Variants in SHC3 observed in about 807,000 individuals in gnomAD.
The protein encoded by SHC3 is SHC-transforming protein 3.
A neutral mutation model predicts 60.4 loss-of-function variants in SHC3; 15 were observed. The ratio of observed to expected loss-of-function variants is 0.25; its 90% CI spans 0.17 to 0.38. The LOEUF is 0.38. Among genes scored for constraint, SHC3 ranks in the 10% least tolerant of loss-of-function variants. The probability of loss-of-function intolerance (pLI) is 1.00; values close to 1 mark genes in which losing one functional copy is unlikely to be tolerated. For synonymous variants in SHC3, 294 were observed against 325.9 expected (o/e 0.90, Z 1.05); for missense variants, 677 against 786.1 (o/e 0.86, Z 1.66).
intron 2 of SHC3, chr9:89,110,367 G>C: frequency 1.0e-6 from 1 of 985,024 alleles, no homozygotes; most frequent in Non-Finnish European, 1.2e-6. Flanking sequence ...CCTGGTGCCT[G>C]TATAATATAA....
At chr9:89,014,513 G>A (rs763909298) in intron 11 of SHC3, among the ~76,000 whole-genome samples, 9 of 152,092 alleles carry the variant, frequency 5.9e-5, no homozygotes, top group Non-Finnish European at 1.0e-4. Flanking sequence ...GGCTATGCTC[G>A]AGGGTCAGCT....
chr9:89,086,344 A>C (rs1325126933), intron 2 of SHC3, among the ~76,000 whole-genome samples: 1 of 152,200 alleles, frequency 6.6e-6, no homozygotes. Flanking sequence ...CAGGGTTCCC[A>C]CCACCCCCAG....
At chr9:89,040,303 C>T (rs551983134) in intron 10 of SHC3, among the ~76,000 whole-genome samples, 7 of 150,608 alleles carry the variant, frequency 4.6e-5, no homozygotes, top group African/African-American at 7.4e-5. Flanking sequence ...ACATCAGCAC[C>T]GCTATATTTA....
intron 2 of SHC3, among the ~76,000 whole-genome samples, chr9:89,100,244 G>A (rs939122232): frequency 2.6e-5 from 4 of 152,184 alleles, no homozygotes; most frequent in Admixed American, 2.0e-4. Context: ...CAGCAGTCAT[G>A]AGGTAGTTAC....
chr9:89,066,945 G>T (rs936935527), intron 5 of SHC3, among the ~76,000 whole-genome samples: 2 of 152,094 alleles, frequency 1.3e-5, no homozygotes, highest in Non-Finnish European at 2.9e-5. Flanking sequence ...ACCCCATCCC[G>T]CTGGATCTTA....
intron 1 of SHC3, among the ~76,000 whole-genome samples, chr9:89,127,488 G>GA (rs1169582920): frequency 6.6e-6 from 1 of 152,070 alleles, no homozygotes; most frequent in Non-Finnish European, 1.5e-5. Flanking sequence ...ACCTGTTTTG[G>GA]AAAAAACCTC....
chr9:89,022,663 G>A lies in SHC3; in HGVS notation c.1657-9088C>T, dbSNP rs11137485. ...ATGAACAAGCATGTACAGCTACTGC[G>A]CATGTGCACCCAGAGGACCATCCGA... On this transcript the variant is annotated intron_variant, in intron 11 of 11. Transcript: ENST00000375835. Among the ~76,000 whole-genome samples, 122 of 152,208 alleles carry A rather than the reference G, an allele frequency of 8.0e-4. 2 individuals carry two copies. In the East Asian group the frequency reaches 0.022, roughly 27 times the overall value.
intron 1 of SHC3, among the ~76,000 whole-genome samples, chr9:89,121,402 T>G (rs1826090705): frequency 1.3e-5 from 2 of 152,188 alleles, no homozygotes; most frequent in Admixed American, 1.3e-4. Flanking sequence ...GCGATTCTCC[T>G]GCCTCAGGCT....
intron 1 of SHC3, among the ~76,000 whole-genome samples, chr9:89,174,464 A>G (rs924965397): frequency 1.3e-5 from 2 of 152,202 alleles, no homozygotes. Flanking sequence ...AACCTATGTA[A>G]CTTCGCTGGA....
Position 89,038,338 on chromosome 9 carries a change from ATGAT to A in SHC3, c.1361-54_1361-51del, listed in dbSNP as rs1564091247. ...AACAAGTCAATCCCAAGAAGAGCAA[ATGAT>A]AAAAAAAAAAAAAAAAAAATACAGT... On this transcript the variant is annotated intron_variant, in intron 10 of 11. Coordinates refer to ENST00000375835, the MANE Select transcript of SHC3 (RefSeq NM_016848.6). The A allele has an allele frequency of 5.3e-6, 7 of 1,319,502 alleles. No homozygotes were observed. The African/African-American group carries it at 5.5e-5, about 10-fold the overall frequency. The allele number at this position is 1,319,502 out of a possible 1,614,324, so 81.7% of individuals were successfully genotyped here.
chr9:89,078,467 G>GC (rs1825396287), intron 2 of SHC3, among the ~76,000 whole-genome samples: 1 of 152,182 alleles, frequency 6.6e-6, no homozygotes, highest in African/African-American at 2.4e-5. Context: ...AAAGAACCCG[G>GC]CAGTGAGGTG....
rs112235144 is a variant in SHC3, at chr9:89,074,169, A to G, written c.729+940T>C. Reference sequence around the variant, plus strand: ...ATAAATGAAGCTGGAGATGCTGCTCACTAACCTGGGGAATATGGAAGTCAA... The same window carrying G: ...ATAAATGAAGCTGGAGATGCTGCTCGCTAACCTGGGGAATATGGAAGTCAA... On this transcript the variant is annotated intron_variant, in intron 4 of 11. Coordinates refer to ENST00000375835, the MANE Select transcript of SHC3 (RefSeq NM_016848.6). Among the ~76,000 whole-genome samples, 463 of 152,324 alleles carry G rather than the reference A, an allele frequency of 3.0e-3. 1 individual carries two copies. The highest frequency in any genetic ancestry group is 0.017 in the Middle Eastern group (5 of 294).
chr9:89,044,263 C>A lies in SHC3; in HGVS notation c.1201+1483G>T, dbSNP rs756293417. 4.1e-4 allele frequency among the ~76,000 whole-genome samples: 63 copies of A among 152,176 alleles called. 2 individuals are homozygous for A. The highest frequency in any genetic ancestry group is 1.4e-3 in the Admixed American group (22 of 15,286). On this transcript the variant is annotated intron_variant, in intron 9 of 11. Coordinates refer to ENST00000375835, the MANE Select transcript of SHC3 (RefSeq NM_016848.6). ...GCCCATAATGAAAATGTCCCTCTGG[C>A]AAAGTTATGACTCTGATTTGCTATT...
intron 10 of SHC3, among the ~76,000 whole-genome samples, chr9:89,039,621 CCGCCATCGT>C (rs552304405): frequency 1.3e-3 from 197 of 151,942 alleles, no homozygotes; most frequent in Middle Eastern, 6.8e-3. Context: ...ATCAGCATCA[CCGCCATCGT>C]CGCCATCGTC....
At chr9:89,122,880 A>G (rs1324229337) in intron 1 of SHC3, among the ~76,000 whole-genome samples, 1 of 152,232 alleles carries the variant, frequency 6.6e-6, no homozygotes, top group African/African-American at 2.4e-5. Flanking sequence ...CTTCCCGATC[A>G]GCATAGAAAC....
intron 2 of SHC3, among the ~76,000 whole-genome samples, chr9:89,085,513 C>T (rs1039403830): frequency 3.9e-5 from 6 of 152,168 alleles, no homozygotes; most frequent in African/African-American, 7.2e-5. Context: ...AGTCTTTTTC[C>T]GTAGGATTCT....
At position 89,042,195 on chromosome 9, in the gene SHC3, A is replaced by C. The variant is rs769226295; in HGVS notation, c.1202-11T>G. 9 of 1,490,632 alleles carry C rather than the reference A, an allele frequency of 6.0e-6. No individual in the cohort carries two copies. Among genetic ancestry groups the C allele is most frequent in the Non-Finnish European group, 8.0e-6 (9 of 1,124,802 alleles). 92.3% of individuals were successfully genotyped at this position (1,490,632 alleles called of 1,614,324 possible). On this transcript the variant is annotated splice_polypyrimidine_tract_variant and intron_variant, in intron 9 of 11. Coordinates refer to ENST00000375835, the MANE Select transcript of SHC3 (RefSeq NM_016848.6). The stretch of plus-strand genomic sequence containing the variant: ...AGATGTCCGAGGACCCTGCAACAAG[A>C]AAGTGAGCCCCTTTTCTTTTACGAT...
intron 11 of SHC3, among the ~76,000 whole-genome samples, chr9:89,028,679 A>G (rs979057449): frequency 2.3e-4 from 33 of 146,164 alleles, no homozygotes; most frequent in East Asian, 4.0e-4. Context: ...TATCTATATA[A>G]AGAGATAATC....
intron 1 of SHC3, among the ~76,000 whole-genome samples, chr9:89,133,643 G>C (rs547830323): frequency 6.6e-6 from 1 of 152,046 alleles, no homozygotes; most frequent in South Asian, 2.1e-4. Context: ...CCATCATTCT[G>C]AGCAAACTAT....
Sources: allele counts gnomAD v4.1 joint callset (sites outside exome capture counted in the v4.1 genomes callset), GRCh38; gene constraint gnomAD v4.1.1; transcripts MANE v1.5; gene names NCBI Gene and HGNC (gene_info 2026-07-23, HGNC 2026-07-21).